The following FREM2 variants were observed in gnomAD, a reference collection of about 807,000 sequenced individuals.
FREM2 encodes the protein FRAS1 related extracellular matrix 2, also known as FRAS1-related extracellular matrix protein 2.
In FREM2, 119 loss-of-function variants were observed where a neutral mutation model predicts 219.9. The ratio of observed to expected loss-of-function variants is 0.54; its 90% confidence interval spans 0.47 to 0.63. The LOEUF (loss-of-function observed/expected upper bound fraction) is 0.63. Among genes scored for constraint, FREM2 ranks in the 30% least tolerant of loss-of-function variants. FREM2 has a pLI of 0.00. For synonymous variants in FREM2, 1,562 were observed against 1,522.8 expected (o/e 1.03, Z -0.60); for missense variants, 4,030 against 3,993.6 (o/e 1.01, Z -0.25).
At chr13:38,845,909 G>A (rs1175917539) in intron 6 of FREM2, among the ~76,000 whole-genome samples, 3 of 152,124 alleles carry the variant, frequency 2.0e-5, no homozygotes, top group South Asian at 2.1e-4. Flanking sequence ...TCATTTTCAT[G>A]TGTGTTTAGA....
At chr13:38,736,165 A>G (rs1396114157) in intron 2 of FREM2, among the ~76,000 whole-genome samples, 2 of 152,166 alleles carry the variant, frequency 1.3e-5, no homozygotes, top group African/African-American at 4.8e-5. Flanking sequence ...TTAATGATAC[A>G]AGGTATCTCA....
chr13:38,691,588 G>A lies in FREM2; in HGVS notation c.4244G>A (p.Gly1415Glu). The A allele has an allele frequency of 6.2e-7, 1 of 1,614,104 alleles. No homozygotes were observed. The highest frequency in any genetic ancestry group is 8.5e-7 in the Non-Finnish European group (1 of 1,180,026). The change falls in exon 1 of 24, where the codon GGG (glycine) becomes GAG (glutamate). Residue 1415 changes from glycine (G) to glutamate (E), a missense_variant. Transcript: ENST00000280481. ...LIDRYFYVSI[G>E]SIDIVFPDVI... The stretch of plus-strand genomic sequence containing the variant: ...GATCGTTACTTTTATGTGTCCATCG[G>A]GAGCATTGACATTGTCTTCCCTGAT...
intron 6 of FREM2, among the ~76,000 whole-genome samples, chr13:38,787,107 G>A (rs1874362030): frequency 6.6e-6 from 1 of 152,032 alleles, no homozygotes; most frequent in Non-Finnish European, 1.5e-5. Flanking sequence ...TTATAAGTGG[G>A]GTAGCGAAAG....
intron 5 of FREM2, among the ~76,000 whole-genome samples, chr13:38,783,473 T>TAA (rs141521145): frequency 2.3e-4 from 29 of 123,998 alleles, no homozygotes; most frequent in East Asian, 1.5e-3. Context: ...GGTTACTATA[T>TAA]AAAAAAAAAA....
chr13:38,858,149 G>A, intron 13 of FREM2, 116 bp downstream of exon 13: 1 of 927,218 alleles, frequency 1.1e-6, no homozygotes. Context: ...ATACTACATG[G>A]TTTAAGCCTT....
rs1878714517 is a variant in FREM2, at chr13:38,886,055, C to T, written c.*5268C>T. 1 of 152,082 alleles carries T rather than the reference C, an allele frequency of 6.6e-6. No homozygotes were observed. Among genetic ancestry groups the T allele is most frequent in the African/African-American group, 2.4e-5 (1 of 41,398 alleles). 9.4% of individuals were successfully genotyped at this position (152,082 alleles called of 1,614,324 possible). ...GTTTAAGTGAATTTCTACTATGGAT[C>T]TTTATTTTCCCCAATGTTTGGATCA... On this transcript the variant is annotated 3_prime_UTR_variant, in exon 24 of 24. Coordinates refer to ENST00000280481, the MANE Select transcript of FREM2 (RefSeq NM_207361.6).
chr13:38,787,343 C>T (rs1299295214), intron 6 of FREM2, among the ~76,000 whole-genome samples: 1 of 152,176 alleles, frequency 6.6e-6, no homozygotes, highest in African/African-American at 2.4e-5. Context: ...CCTTCCACTT[C>T]TAACATCACT....
At chr13:38,829,767 AATAG>A (rs1281205793) in intron 6 of FREM2, among the ~76,000 whole-genome samples, 1 of 152,006 alleles carries the variant, frequency 6.6e-6, no homozygotes, top group African/African-American at 2.4e-5. Flanking sequence ...TCAAATAAAC[AATAG>A]ATAGTGTCTG....
At chr13:38,733,132 A>G (rs1871835188) in intron 2 of FREM2, among the ~76,000 whole-genome samples, 1 of 152,170 alleles carries the variant, frequency 6.6e-6, no homozygotes, top group Non-Finnish European at 1.5e-5. Context: ...GATATTTTGC[A>G]GATCTATACT....
chr13:38,768,883 G>A (rs1873544115), intron 3 of FREM2, among the ~76,000 whole-genome samples: 1 of 152,106 alleles, frequency 6.6e-6, no homozygotes, highest in African/African-American at 2.4e-5. Flanking sequence ...AACTGAAATT[G>A]ACCTTGAATG....
intron 2 of FREM2, among the ~76,000 whole-genome samples, chr13:38,746,355 G>T (rs2137787349): frequency 6.6e-6 from 1 of 152,290 alleles, no homozygotes; most frequent in African/African-American, 2.4e-5. Context: ...ATGTCTAGGT[G>T]TGTTGAGTGT....
rs1387533893 is a variant in FREM2, at chr13:38,689,150, A to G, written c.1806A>G (p.Ser602=). 7 of 1,613,704 alleles carry G rather than the reference A, an allele frequency of 4.3e-6. No homozygotes were observed. Among genetic ancestry groups the G allele is most frequent in the Non-Finnish European group, 5.9e-6 (7 of 1,179,976 alleles). Residue 602 remains serine, a synonymous_variant, in exon 1 of 24, where the codon TCA becomes TCG. Coordinates refer to ENST00000280481, the MANE Select transcript of FREM2 (RefSeq NM_207361.6). ...CTCTGCTGCTTTTTGTGCTGGAGTC[A>G]CCCTTCTTAACTACGGGGCATCTGC... is the stretch of plus-strand genomic sequence containing the variant. ...DDSLLLFVLE[S]PFLTTGHLLL... is the part of the protein sequence containing the mutation.
intron 1 of FREM2, among the ~76,000 whole-genome samples, 173 bp from the exon 2 acceptor site, chr13:38,697,525 A>G (rs917651577): frequency 3.3e-5 from 5 of 152,256 alleles, no homozygotes; most frequent in African/African-American, 7.2e-5. Context: ...TCCATGGGAC[A>G]GCTGAAATCT....
At position 38,692,007 on chromosome 13, in the gene FREM2, G is replaced by T. The variant is rs749860921; in HGVS notation, c.4663G>T (p.Glu1555Ter). 1 of 1,614,098 alleles carries T rather than the reference G, an allele frequency of 6.2e-7. No individual in the cohort carries two copies. Among genetic ancestry groups the T allele is most frequent in the African/African-American group, 1.3e-5 (1 of 74,932 alleles). The change falls in exon 1 of 24, where the codon GAG (glutamate) becomes TAG (stop). Residue 1555 changes from glutamate (E) to a stop codon, truncating the protein, a stop_gained. Transcript: ENST00000280481. LOFTEE classifies it high-confidence loss of function. Reference sequence around the variant, plus strand: ...TGAAAACAAGCTGATTACTCCTTTTGAGCTCACTGTCGAAGACAGAGATAC... The same window carrying T: ...TGAAAACAAGCTGATTACTCCTTTTTAGCTCACTGTCGAAGACAGAGATAC... ...ESENKLITPFELTVEDRDTPD... is the reference protein window; with the variant it reads ...ESENKLITPF
In FREM2 at chr13:38,884,378, A is replaced by G. The variant is rs1200109395; in HGVS notation, c.*3591A>G. The G allele has an allele frequency of 1.3e-5, 2 of 152,120 alleles. No individual in the cohort carries two copies. Among genetic ancestry groups the G allele is most frequent in the Admixed American group, 6.6e-5 (1 of 15,262 alleles). The allele number at this position is 152,120 out of a possible 1,614,324, so 9.4% of individuals were successfully genotyped here. A position where few individuals can be genotyped will look rare whatever the true frequency, so the allele number is the denominator to read the frequency against. ...AGAGTTAAAATATTCCCAGGTTAAA[A>G]TTTTTTTAAAGTACCAATAATAGAG... On this transcript the variant is annotated 3_prime_UTR_variant, in exon 24 of 24. Transcript: ENST00000280481.
rs1173098409 is a variant in FREM2 at position 38,759,644 on chromosome 13, A to G, written c.5264-4660A>G. On this transcript the variant is annotated intron_variant, in intron 2 of 23. Coordinates refer to ENST00000280481, the MANE Select transcript of FREM2 (RefSeq NM_207361.6). Reference sequence around the variant, plus strand: ...TGTGGATTTATGACTTGAGTCATGGACTTTAATTTTTTTCCAATGAGGTGC... The same window carrying G: ...TGTGGATTTATGACTTGAGTCATGGGCTTTAATTTTTTTCCAATGAGGTGC... 3.9e-5 allele frequency among the ~76,000 whole-genome samples: 6 copies of G among 152,114 alleles called. No homozygotes were observed. In the East Asian group the frequency reaches 7.7e-4, roughly 20 times the overall value.
Position 38,851,097 on chromosome 13 carries a change from AT to A in FREM2, c.6732del (p.Asp2244GlufsTer29). The A allele has an allele frequency of 6.2e-7, 1 of 1,613,702 alleles. No homozygotes were observed. Among genetic ancestry groups the A allele is most frequent in the South Asian group, 1.1e-5 (1 of 91,068 alleles). On this transcript the variant is annotated frameshift_variant, in exon 10 of 24. Coordinates refer to ENST00000280481, the MANE Select transcript of FREM2 (RefSeq NM_207361.6). LOFTEE classifies it high-confidence loss of function. ...AATGAAACTCTCATAAGGATCCGAGATGATGCTGATAGTAAGAAATCTTTTT... is the reference window on the plus strand; with the variant it reads ...AATGAAACTCTCATAAGGATCCGAGAGATGCTGATAGTAAGAAATCTTTTT... The part of the protein sequence containing the change: ...EQNETLIRIR[D>X]DADKTVIKFG...
intron 6 of FREM2, among the ~76,000 whole-genome samples, chr13:38,840,168 T>C (rs1876891066): frequency 6.6e-6 from 1 of 152,064 alleles, no homozygotes; most frequent in Non-Finnish European, 1.5e-5. Flanking sequence ...ACACAGTTCC[T>C]CACGGCACAG....
chr13:38,733,012 A>C (rs1184542265), intron 2 of FREM2, among the ~76,000 whole-genome samples: 3 of 152,150 alleles, frequency 2.0e-5, no homozygotes, highest in Non-Finnish European at 4.4e-5. Context: ...AATGTGAAGG[A>C]GGCTTTATCA....
Sources: gnomAD v4.1 joint callset for allele counts (sites outside exome capture counted in the v4.1 genomes callset) on GRCh38, gnomAD v4.1.1 for gene constraint, MANE v1.5 for transcripts, NCBI Gene and HGNC (gene_info 2026-07-23, HGNC 2026-07-21) for gene names.